The following RASSF3 variants were observed in gnomAD, a reference collection of about 807,000 sequenced individuals.
RASSF3 encodes ras association domain-containing protein 3.
A neutral mutation model predicts 19.9 loss-of-function variants in RASSF3; 19 were observed. The ratio of observed to expected loss-of-function variants is 0.96; its 90% confidence interval spans 0.67 to 1.40. RASSF3 has a LOEUF of 1.40. RASSF3 is among the 40% of genes most tolerant of loss of function. RASSF3 has a pLI of 0.00. For missense variants in RASSF3, 306 were observed against 289.8 expected (o/e 1.06, Z -0.41); for synonymous variants, 110 against 104.2 (o/e 1.06, Z -0.34).
chr12:64,524,847 G>T (rs1868552482), intron 1 of RASSF3, among the ~76,000 whole-genome samples: 1 of 152,174 alleles, frequency 6.6e-6, no homozygotes, highest in Admixed American at 6.5e-5. Flanking sequence ...AATCAGAAAT[G>T]GTGAGAACTA....
intron 2 of RASSF3, among the ~76,000 whole-genome samples, chr12:64,580,016 C>T (rs565100899): frequency 5.7e-4 from 87 of 151,756 alleles, no homozygotes; most frequent in Non-Finnish European, 9.6e-4. Context: ...GGTTTCACCA[C>T]GTTGGCCAGG....
At chr12:64,664,776 T>C (rs954018434) in intron 1 of RASSF3, among the ~76,000 whole-genome samples, 4 of 152,306 alleles carry the variant, frequency 2.6e-5, no homozygotes, top group South Asian at 2.1e-4. Flanking sequence ...TCAATAGTTA[T>C]AGAAGACAGC....
At chr12:64,668,284 T>TTC (rs1872590340) in intron 1 of RASSF3, among the ~76,000 whole-genome samples, 3 of 150,822 alleles carry the variant, frequency 2.0e-5, no homozygotes. Flanking sequence ...TTTTTTTTTT[T>TTC]CTCTTCAATT....
intron 1 of RASSF3, among the ~76,000 whole-genome samples, chr12:64,617,684 A>G (rs1565851068): frequency 6.6e-6 from 1 of 152,120 alleles, no homozygotes; most frequent in African/African-American, 2.4e-5. Context: ...CAGCCTCCCC[A>G]GTAGCTGGGA....
intron 1 of RASSF3, among the ~76,000 whole-genome samples, chr12:64,521,366 C>T (rs1312030367): frequency 3.3e-5 from 5 of 152,126 alleles, no homozygotes; most frequent in African/African-American, 1.2e-4. Flanking sequence ...GATTAAGATC[C>T]CAATGTCAGA....
intron 1 of RASSF3, among the ~76,000 whole-genome samples, chr12:64,614,699 CTT>C (rs11334564): frequency 0.014 from 1,820 of 129,430 alleles, 29 homozygotes; most frequent in African/African-American, 0.044. Context: ...CTTTTCTTTT[CTT>C]TTTTTTTTTT....
At chr12:64,600,472 G>A (rs1188575551) in intron 2 of RASSF3, among the ~76,000 whole-genome samples, 1 of 152,144 alleles carries the variant, frequency 6.6e-6, no homozygotes, top group Non-Finnish European at 1.5e-5. Flanking sequence ...CCAACTATTT[G>A]AGGAACAACC....
chr12:64,676,652 A>G lies in RASSF3; in HGVS notation c.112-8135A>G, dbSNP rs143843215. On this transcript the variant is annotated intron_variant, in intron 1 of 4. Coordinates refer to ENST00000542104, the MANE Select transcript of RASSF3 (RefSeq NM_178169.4). ...ACACCTGGCTAATTTTGTATTTTCAATAGAGATGGGGTTTCACCATGTTGG... is the reference window on the plus strand; with the variant it reads ...ACACCTGGCTAATTTTGTATTTTCAGTAGAGATGGGGTTTCACCATGTTGG... Among the ~76,000 whole-genome samples, 546 of 150,404 alleles carry G rather than the reference A, an allele frequency of 3.6e-3. 7 individuals carry two copies. Among genetic ancestry groups the G allele is most frequent in the African/African-American group, 0.013 (526 of 40,884 alleles).
intron 3 of RASSF3, among the ~76,000 whole-genome samples, chr12:64,689,114 CT>C (rs1873475217): frequency 6.6e-6 from 1 of 152,150 alleles, no homozygotes; most frequent in African/African-American, 2.4e-5. Context: ...TATTAAATTA[CT>C]GCGTGAAACA....
At chr12:64,650,898 A>G (rs1871929319) in intron 1 of RASSF3, among the ~76,000 whole-genome samples, 1 of 152,136 alleles carries the variant, frequency 6.6e-6, no homozygotes, top group Non-Finnish European at 1.5e-5. Context: ...TTTTAGTCAC[A>G]CTTTGCTATA....
At chr12:64,593,380 C>T (rs1442553508) in intron 2 of RASSF3, among the ~76,000 whole-genome samples, 1 of 152,110 alleles carries the variant, frequency 6.6e-6, no homozygotes, top group East Asian at 1.9e-4. Flanking sequence ...TAACACCATG[C>T]CTGGCTAATT....
At position 64,638,615 on chromosome 12, in the gene RASSF3, A is replaced by G. The variant is rs1871407869; in HGVS notation, c.111+27872A>G. On this transcript the variant is annotated intron_variant, in intron 1 of 4. Coordinates refer to ENST00000542104, the MANE Select transcript of RASSF3 (RefSeq NM_178169.4). ...AAAAAAAGTAATATGAATACCTTTT[A>G]GTCACCATCCAGTTTAAAAGAAAAC... is the stretch of plus-strand genomic sequence containing the variant. 2.7e-5 allele frequency among the ~76,000 whole-genome samples: 4 copies of G among 150,890 alleles called. No individual in the cohort carries two copies. The South Asian group carries it at 8.3e-4, about 31-fold the overall frequency.
intron 2 of RASSF3, among the ~76,000 whole-genome samples, chr12:64,605,438 A>T (rs976972760): frequency 6.6e-6 from 1 of 151,316 alleles, no homozygotes; most frequent in Non-Finnish European, 1.5e-5. Context: ...TCATTTAAAA[A>T]CTCTTACTTC....
In RASSF3 at chr12:64,561,105, G is replaced by A. The variant is rs564137857; in HGVS notation, c.294+19400G>A. On this transcript the variant is annotated intron_variant, in intron 2 of 5. Coordinates refer to the RASSF3 transcript ENST00000637125. The stretch of plus-strand genomic sequence containing the variant: ...AAGGGCGTTCTGTAAATGAGATGGG[G>A]GTGGGTCCAGAGGTCTGCAGCTGTG... 1.8e-4 allele frequency among the ~76,000 whole-genome samples: 27 copies of A among 152,290 alleles called. No individual in the cohort carries two copies. In the South Asian group the frequency reaches 5.0e-3, roughly 28 times the overall value.
intron 2 of RASSF3, chr12:64,599,004 A>G (rs1464811220): frequency 6.6e-6 from 1 of 150,690 alleles, no homozygotes. Flanking sequence ...AACAGTCCTT[A>G]TTTAGCCACA....
chr12:64,516,868 G>A (rs182083105), intron 1 of RASSF3, among the ~76,000 whole-genome samples: 1,618 of 151,338 alleles, frequency 0.011, 12 homozygotes, highest in Admixed American at 0.018. Flanking sequence ...GCGTGGTGGC[G>A]CATGCCTGTA....
At chr12:64,630,786 G>A (rs540745892) in intron 1 of RASSF3, among the ~76,000 whole-genome samples, 31 of 152,226 alleles carry the variant, frequency 2.0e-4, no homozygotes, top group Admixed American at 6.5e-4. Flanking sequence ...TCAAGGAAGA[G>A]TTGTAGGTTT....
At chr12:64,663,150 ATC>A (rs1251340134) in intron 1 of RASSF3, among the ~76,000 whole-genome samples, 2 of 152,158 alleles carry the variant, frequency 1.3e-5, no homozygotes, top group Non-Finnish European at 2.9e-5. Flanking sequence ...CATAATGTTG[ATC>A]TCTCTCTACC....
intron 2 of RASSF3, among the ~76,000 whole-genome samples, chr12:64,550,819 T>TAAAAAAAAAA (rs1869146202): frequency 5.2e-5 from 1 of 19,400 alleles, no homozygotes; most frequent in African/African-American, 2.3e-4. Flanking sequence ...AGACTCCATC[T>TAAAAAAAAAA]CAAAAAAAAA....
Sources: gnomAD v4.1 joint callset for allele counts (sites outside exome capture counted in the v4.1 genomes callset) on GRCh38, gnomAD v4.1.1 for gene constraint, MANE v1.5 for transcripts, NCBI Gene and HGNC (gene_info 2026-07-23, HGNC 2026-07-21) for gene names.